DHRSX: variants seen among roughly 807,000 people sequenced by gnomAD.
DHRSX encodes dehydrogenase/reductase X-linked.
A neutral mutation model predicts 34.0 loss-of-function variants in DHRSX; 31 were observed. The ratio of observed to expected loss-of-function variants is 0.91; its 90% confidence interval spans 0.69 to 1.23. The LOEUF (loss-of-function observed/expected upper bound fraction) is 1.23. Ranked by LOEUF, DHRSX falls within the 50% of genes most tolerant of loss-of-function variation. The pLI is 0.00. For missense variants in DHRSX, 414 were observed against 428.1 expected, an observed-to-expected ratio of 0.97 and a Z score of 0.29; for synonymous variants, 201 against 183.8, an observed-to-expected ratio of 1.09 and a Z score of -0.76.
At chrX:2,453,654 G>A (rs2044256400) in intron 1 of DHRSX, among the ~76,000 whole-genome samples, 1 of 151,880 alleles carries the variant, frequency 6.6e-6, no homozygotes, top group African/African-American at 2.4e-5. Flanking sequence ...CTGGCTATAG[G>A]GTGAGACTGT....
intron 1 of DHRSX, among the ~76,000 whole-genome samples, chrX:2,485,372 G>C (rs1263264420): frequency 6.6e-6 from 1 of 151,548 alleles, no homozygotes; most frequent in East Asian, 1.9e-4. Flanking sequence ...TGATGCCCAA[G>C]GACAGGCAGT....
At chrX:2,245,353 G>A (rs1234419658) in intron 5 of DHRSX, among the ~76,000 whole-genome samples, 1 of 151,842 alleles carries the variant, frequency 6.6e-6, no homozygotes, top group African/African-American at 2.4e-5. Flanking sequence ...ATATTGCCCA[G>A]GCTGGAGTGC....
At chrX:2,308,762 T>G (rs1286406998) in intron 3 of DHRSX, among the ~76,000 whole-genome samples, 3 of 125,154 alleles carry the variant, frequency 2.4e-5, no homozygotes, top group Admixed American at 9.6e-5. Context: ...GAGGAAAGGA[T>G]GGGTGGAAAG....
chrX:2,299,762 G>A (rs1041805599), intron 3 of DHRSX, among the ~76,000 whole-genome samples: 1 of 151,952 alleles, frequency 6.6e-6, no homozygotes, highest in African/African-American at 2.4e-5. Flanking sequence ...GGCTGAGGCA[G>A]GACAATCGTT....
chrX:2,229,091 G>A (rs188185704), intron 6 of DHRSX, among the ~76,000 whole-genome samples: 67 of 152,288 alleles, frequency 4.4e-4, no homozygotes, highest in African/African-American at 1.5e-3. Flanking sequence ...GTTGCTATTT[G>A]AATGCAGACG....
At chrX:2,246,750 A>AAGAAAGAAAGAAAGAAAGAG (rs1204935283) in intron 5 of DHRSX, among the ~76,000 whole-genome samples, 1 of 108,366 alleles carries the variant, frequency 9.2e-6, no homozygotes, top group Admixed American at 9.8e-5. Context: ...GAAAGAAAGA[A>AAGAAAGAAAGAAAGAAAGAG]AAAGAAAGAA....
chrX:2,500,806 G>A lies in DHRSX; in HGVS notation c.109+11C>T. On this transcript the variant is annotated intron_variant, in intron 1 of 6. Transcript: ENST00000334651. ...TCCCCGGAGCCCTGACCCCTGCCCC[G>A]CCCCGCTGACCTGGCTCCAGGAAGC... 2.1e-6 allele frequency: 2 copies of A among 957,746 alleles called. No homozygotes were observed. Among genetic ancestry groups the A allele is most frequent in the Non-Finnish European group, 2.4e-6 (2 of 818,028 alleles). The allele number at this position is 957,746 out of a possible 1,614,324, so 59.3% of individuals were successfully genotyped here.
intron 1 of DHRSX, among the ~76,000 whole-genome samples, chrX:2,467,065 C>CAA (rs1322980680): frequency 4.7e-5 from 3 of 63,966 alleles, no homozygotes; most frequent in Non-Finnish European, 6.6e-5. Flanking sequence ...AAGTCCATCT[C>CAA]AAAAAAAAAA....
Position 2,303,576 on chromosome X carries a change from G to A in DHRSX, c.287-11973C>T, listed in dbSNP as rs148095703. ...TGCTCTGCTTCCTGTACAGCTTGCA[G>A]AACCATGAGCCAATTAAACCTCTTT... On this transcript the variant is annotated intron_variant, in intron 3 of 6. Transcript: ENST00000334651. Among the ~76,000 whole-genome samples the A allele has an allele frequency of 6.9e-3, 1,049 of 152,246 alleles. 13 individuals carry two copies. The highest frequency in any genetic ancestry group is 0.024 in the African/African-American group (982 of 41,546).
chrX:2,365,635 G>A (rs1318459662), intron 3 of DHRSX, among the ~76,000 whole-genome samples: 3 of 152,206 alleles, frequency 2.0e-5, no homozygotes, highest in Admixed American at 2.0e-4. Flanking sequence ...AAAATACACA[G>A]AAATGGGTAA....
intron 3 of DHRSX, among the ~76,000 whole-genome samples, chrX:2,296,509 AGACCCAGGCAGACAGGAATAG>A (rs2041933590): frequency 6.7e-6 from 1 of 148,316 alleles, no homozygotes; most frequent in Non-Finnish European, 1.5e-5. Context: ...CCAGGCAGAT[AGACCCAGGCAGACAGGAATAG>A]GACCCAGGCA....
At chrX:2,450,345 C>T (rs953103989) in intron 1 of DHRSX, among the ~76,000 whole-genome samples, 3 of 151,834 alleles carry the variant, frequency 2.0e-5, no homozygotes, top group Admixed American at 6.6e-5. Flanking sequence ...TTTAGTAATC[C>T]AAACTACTCA....
At chrX:2,447,973 C>A (rs1158195851) in intron 1 of DHRSX, among the ~76,000 whole-genome samples, 4 of 150,714 alleles carry the variant, frequency 2.7e-5, no homozygotes, top group Non-Finnish European at 4.4e-5. Context: ...GGAAGGAGGA[C>A]CACTGAAGGC....
intron 1 of DHRSX, among the ~76,000 whole-genome samples, chrX:2,495,789 G>A (rs1013024917): frequency 6.6e-6 from 1 of 152,012 alleles, no homozygotes; most frequent in African/African-American, 2.4e-5. Flanking sequence ...GGGGTTTGGG[G>A]GGGACACTCC....
intron 3 of DHRSX, among the ~76,000 whole-genome samples, chrX:2,343,010 T>C (rs958962279): frequency 2.6e-5 from 4 of 152,078 alleles, no homozygotes; most frequent in African/African-American, 9.7e-5. Context: ...AAAAACCGCC[T>C]AAATCCAGCC....
chrX:2,389,493 G>T (rs1279184211), intron 3 of DHRSX, among the ~76,000 whole-genome samples: 1 of 152,114 alleles, frequency 6.6e-6, no homozygotes, highest in African/African-American at 2.4e-5. Context: ...GACAGGGAGG[G>T]CACAGCACAT....
At chrX:2,221,493 A>G (rs1031809239) in intron 6 of DHRSX, among the ~76,000 whole-genome samples, 2 of 152,210 alleles carry the variant, frequency 1.3e-5, no homozygotes, top group Admixed American at 6.5e-5. Flanking sequence ...AGGCAGATGC[A>G]TATTAAAATC....
chrX:2,223,586 A>G (rs758509631), intron 6 of DHRSX, among the ~76,000 whole-genome samples: 1 of 152,238 alleles, frequency 6.6e-6, no homozygotes, highest in African/African-American at 2.4e-5. Context: ...GGCGAAAGGG[A>G]TGGAAAGAGG....
intron 6 of DHRSX, among the ~76,000 whole-genome samples, chrX:2,226,386 C>T (rs1436717131): frequency 2.6e-5 from 4 of 152,126 alleles, no homozygotes; most frequent in Admixed American, 6.6e-5. Flanking sequence ...CTATTGCAAA[C>T]AGAGCCCTCT....
Sources: allele counts gnomAD v4.1 joint callset (sites outside exome capture counted in the v4.1 genomes callset), GRCh38; gene constraint gnomAD v4.1.1; transcripts MANE v1.5; gene names NCBI Gene and HGNC (gene_info 2026-07-23, HGNC 2026-07-21).